MTX2: variants seen among roughly 807,000 people sequenced by gnomAD.
MTX2 encodes metaxin 2.
A neutral mutation model predicts 42.3 loss-of-function variants in MTX2; 35 were observed. The ratio of observed to expected loss-of-function variants is 0.83; its 90% confidence interval spans 0.63 to 1.10. MTX2 has a LOEUF of 1.10. Ranked by LOEUF, MTX2 falls within the 50% of genes least tolerant of loss-of-function variation. The pLI is 0.00. For missense variants in MTX2, 307 were observed against 304.1 expected (o/e 1.01, Z -0.07); for synonymous variants, 119 against 100.9 (o/e 1.18, Z -1.08).
At chr2:176,294,694 T>C (rs1314372661) in intron 1 of MTX2, among the ~76,000 whole-genome samples, 2 of 152,248 alleles carry the variant, frequency 1.3e-5, no homozygotes, top group Non-Finnish European at 2.9e-5. Context: ...TAAATCATAT[T>C]CAGCATATGT....
chr2:176,326,171 T>C (rs1028906245), intron 4 of MTX2, among the ~76,000 whole-genome samples: 7 of 151,800 alleles, frequency 4.6e-5, no homozygotes, highest in African/African-American at 1.7e-4. Context: ...TTTTTTAATG[T>C]GACATTTATC....
At chr2:176,270,858 A>C (rs1028080964) in intron 1 of MTX2, among the ~76,000 whole-genome samples, 3 of 152,200 alleles carry the variant, frequency 2.0e-5, no homozygotes, top group African/African-American at 7.2e-5. Context: ...TGCGACCCAA[A>C]TCAATGACTA....
intron 9 of MTX2, among the ~76,000 whole-genome samples, chr2:176,336,274 T>G (rs1429024616): frequency 6.6e-6 from 1 of 152,048 alleles, no homozygotes; most frequent in African/African-American, 2.4e-5. Context: ...TGGGGTAGAT[T>G]TCATTTTGTT....
intron 3 of MTX2, among the ~76,000 whole-genome samples, chr2:176,303,846 A>G (rs1213072998): frequency 1.3e-5 from 2 of 152,064 alleles, no homozygotes; most frequent in Non-Finnish European, 2.9e-5. Context: ...GTTTACTGAT[A>G]TAAATACGTA....
chr2:176,302,089 C>T (rs192154058), intron 3 of MTX2, among the ~76,000 whole-genome samples: 2 of 149,400 alleles, frequency 1.3e-5, no homozygotes, highest in Non-Finnish European at 3.0e-5. Context: ...GAAAGAATTT[C>T]GCTTCATGTA....
intron 9 of MTX2, among the ~76,000 whole-genome samples, chr2:176,333,926 A>G (rs889091273): frequency 6.6e-6 from 1 of 151,768 alleles, no homozygotes; most frequent in Admixed American, 6.6e-5. Flanking sequence ...TATGATGTTC[A>G]CACAGTGAGA....
In MTX2 at chr2:176,270,441, G is replaced by A. The variant is rs770440650; in HGVS notation, c.40+772G>A. On this transcript the variant is annotated intron_variant, in intron 1 of 9. Transcript: ENST00000249442. ...ATAGGTTTGTAATTTCTCTTATTGA[G>A]GTTTTTATTTATTGTAATGAAAGAA... 3 of 1,334,064 alleles carry A rather than the reference G, an allele frequency of 2.2e-6. No individual in the cohort carries two copies. The South Asian group carries it at 3.5e-5, about 15-fold the overall frequency. 82.6% of individuals were successfully genotyped at this position (1,334,064 alleles called of 1,614,324 possible).
intron 3 of MTX2, among the ~76,000 whole-genome samples, chr2:176,302,131 T>G (rs570605832): frequency 1.4e-3 from 218 of 151,844 alleles, no homozygotes; most frequent in African/African-American, 4.8e-3. Flanking sequence ...CTGGTGTTTT[T>G]TTTTTTTTTT....
At chr2:176,285,410 G>A (rs1476699161) in intron 1 of MTX2, among the ~76,000 whole-genome samples, 1 of 146,116 alleles carries the variant, frequency 6.8e-6, no homozygotes, top group Non-Finnish European at 1.5e-5. Flanking sequence ...TGTGACTATT[G>A]CCACAATCTT....
At chr2:176,334,957 T>C (rs1215910043) in intron 9 of MTX2, among the ~76,000 whole-genome samples, 1 of 151,952 alleles carries the variant, frequency 6.6e-6, no homozygotes, top group Non-Finnish European at 1.5e-5. Flanking sequence ...GTGCAAGGAA[T>C]TGTTCTAGGT....
At chr2:176,273,620 A>G (rs1455162805) in intron 1 of MTX2, among the ~76,000 whole-genome samples, 4 of 152,184 alleles carry the variant, frequency 2.6e-5, no homozygotes, top group African/African-American at 4.8e-5. Flanking sequence ...ATTCATAAGG[A>G]TATCTTTTTA....
intron 3 of MTX2, among the ~76,000 whole-genome samples, chr2:176,316,770 T>G (rs1684451977): frequency 6.6e-6 from 1 of 152,314 alleles, no homozygotes; most frequent in Admixed American, 6.5e-5. Flanking sequence ...TTTTAACCAG[T>G]CTTTTATTGA....
chr2:176,299,153 G>A (rs754901826), intron 3 of MTX2, among the ~76,000 whole-genome samples: 10 of 152,106 alleles, frequency 6.6e-5, no homozygotes, highest in Admixed American at 3.9e-4. Flanking sequence ...GTTTTTGCTC[G>A]TCAAAACGGT....
At chr2:176,281,863 C>T (rs1693084034) in intron 1 of MTX2, among the ~76,000 whole-genome samples, 1 of 152,060 alleles carries the variant, frequency 6.6e-6, no homozygotes, top group Admixed American at 6.5e-5. Context: ...CTAGTGATGC[C>T]TGCTCGAACA....
Position 176,310,209 on chromosome 2 carries a change from T to C in MTX2, c.135+12314T>C, listed in dbSNP as rs559305222. 8.5e-5 allele frequency among the ~76,000 whole-genome samples: 13 copies of C among 152,184 alleles called. 1 individual carries two copies. The South Asian group carries it at 2.7e-3, about 32-fold the overall frequency. On this transcript the variant is annotated intron_variant, in intron 3 of 9. Transcript: ENST00000249442. Reference sequence around the variant, plus strand: ...TGAAATTCTGTGTTGAAAATTCTTTTCTTTAACAATGTTGAATATTGGCCC... The same window carrying C: ...TGAAATTCTGTGTTGAAAATTCTTTCCTTTAACAATGTTGAATATTGGCCC...
intron 3 of MTX2, among the ~76,000 whole-genome samples, chr2:176,322,589 A>G (rs1343260554): frequency 6.6e-6 from 1 of 152,062 alleles, no homozygotes. Context: ...GACTTTGAGT[A>G]TTGTAAAAAA....
intron 1 of MTX2, among the ~76,000 whole-genome samples, chr2:176,278,709 G>A (rs1047976162): frequency 2.6e-5 from 4 of 152,058 alleles, no homozygotes; most frequent in Non-Finnish European, 5.9e-5. Flanking sequence ...GCAGTTATCA[G>A]ATGGACTGAA....
intron 1 of MTX2, among the ~76,000 whole-genome samples, chr2:176,274,431 T>G (rs1388519764): frequency 6.6e-6 from 1 of 152,218 alleles, no homozygotes; most frequent in African/African-American, 2.4e-5. Flanking sequence ...AGTATTTCAT[T>G]GTAATGAAGA....
At chr2:176,274,355 A>G (rs1283643201) in intron 1 of MTX2, among the ~76,000 whole-genome samples, 1 of 152,190 alleles carries the variant, frequency 6.6e-6, no homozygotes, top group African/African-American at 2.4e-5. Context: ...CTGTTTTGTC[A>G]TATATTGGGA....
Sources: allele counts gnomAD v4.1 joint callset (sites outside exome capture counted in the v4.1 genomes callset), GRCh38; gene constraint gnomAD v4.1.1; transcripts MANE v1.5; gene names NCBI Gene and HGNC (gene_info 2026-07-23, HGNC 2026-07-21).